Variants in PHF21B observed in about 807,000 individuals in gnomAD.
The protein encoded by PHF21B is PHD finger protein 21B, also known as PHD finger protein 4.
Under a neutral mutation model 62.2 loss-of-function variants are expected in PHF21B, and 22 were observed. The observed-to-expected ratio is 0.35, with a 90% CI of 0.25 to 0.51. PHF21B has a LOEUF of 0.51. Ranked by LOEUF, PHF21B falls within the 20% of genes least tolerant of loss-of-function variation. The pLI, the probability that PHF21B is intolerant of heterozygous loss-of-function variation, is 0.97. For missense variants in PHF21B, 701 were observed against 707.9 expected, an observed-to-expected ratio of 0.99 and a Z score of 0.11; for synonymous variants, 341 against 314.7, an observed-to-expected ratio of 1.08 and a Z score of -0.88.
intron 2 of PHF21B, among the ~76,000 whole-genome samples, chr22:44,962,078 T>C (rs2072435327): frequency 6.6e-6 from 1 of 152,118 alleles, no homozygotes; most frequent in African/African-American, 2.4e-5. Flanking sequence ...TACACACAAG[T>C]GCATGTGTCT....
intron 5 of PHF21B, among the ~76,000 whole-genome samples, chr22:44,900,730 G>A (rs1292576541): frequency 6.6e-6 from 1 of 150,980 alleles, no homozygotes; most frequent in Non-Finnish European, 1.5e-5. Flanking sequence ...GGAATTGAAT[G>A]TGGCTGTGGA....
intron 2 of PHF21B, among the ~76,000 whole-genome samples, chr22:44,973,773 T>C (rs1204562991): frequency 6.6e-6 from 1 of 151,962 alleles, no homozygotes; most frequent in Admixed American, 6.6e-5. Flanking sequence ...GGGGTCGCCA[T>C]GGGAGAGGAA....
intron 5 of PHF21B, among the ~76,000 whole-genome samples, chr22:44,896,866 A>G (rs2071065838): frequency 9.3e-6 from 1 of 107,548 alleles, no homozygotes; most frequent in Non-Finnish European, 1.9e-5. Context: ...ACAGGGTGGC[A>G]CTTAGTTTTA....
intron 2 of PHF21B, among the ~76,000 whole-genome samples, chr22:44,930,870 A>AG (rs1482517687): frequency 6.6e-6 from 1 of 152,226 alleles, no homozygotes; most frequent in Non-Finnish European, 1.5e-5. Flanking sequence ...TTCTCCTGCC[A>AG]GGAACAGCTG....
At chr22:44,964,771 C>T (rs1280080156) in intron 2 of PHF21B, among the ~76,000 whole-genome samples, 1 of 152,124 alleles carries the variant, frequency 6.6e-6, no homozygotes, top group African/African-American at 2.4e-5. Flanking sequence ...TTTCCATCCC[C>T]AGTCTCGGGC....
chr22:44,948,635 G>A (rs752715383), intron 2 of PHF21B, among the ~76,000 whole-genome samples: 1 of 151,568 alleles, frequency 6.6e-6, no homozygotes, highest in Non-Finnish European at 1.5e-5. Context: ...AGGTGGCAGT[G>A]AGCCGAGACT....
At chr22:44,888,745 C>T (rs1211773991) in intron 9 of PHF21B, among the ~76,000 whole-genome samples, 2 of 152,256 alleles carry the variant, frequency 1.3e-5, no homozygotes, top group East Asian at 3.8e-4. Flanking sequence ...GGAGGGGCAA[C>T]ACCCTCAGAG....
intron 2 of PHF21B, among the ~76,000 whole-genome samples, chr22:45,006,177 CCTCT>C: frequency 6.6e-6 from 1 of 152,306 alleles, no homozygotes; most frequent in South Asian, 2.1e-4. Flanking sequence ...CCCTCCCCTC[CCTCT>C]TTTATGAGCC....
rs541973274 is a variant in PHF21B at position 44,931,478 on chromosome 22, A to T, written c.121-10988T>A. On this transcript the variant is annotated intron_variant, in intron 2 of 12. Transcript: ENST00000313237. ...GCTCTTAATCAAAAAGTGCCAGACA[A>T]CACAAGTGGCTACCGTATGCTGACA... Among the ~76,000 whole-genome samples the T allele has an allele frequency of 2.6e-5, 4 of 152,260 alleles. No homozygotes were observed. The East Asian group carries it at 7.7e-4, about 29-fold the overall frequency.
chr22:44,887,977 TG>T lies in PHF21B; in HGVS notation c.1182del (p.Arg395GlyfsTer7). On this transcript the variant is annotated frameshift_variant, in exon 10 of 13. Transcript: ENST00000313237. LOFTEE classifies it high-confidence loss of function. Reference protein sequence around the residue: ...KTAPKGVWVCPRCQQKALKKD... With the variant: ...KTAPKGVWVCXRCQQKALKKD... ...GCCTCCTGTACCTTCTGCTGGCACC[TG>T]GGGCACACCCACACGCCCTTGGGCG... The T allele has an allele frequency of 6.5e-7, 1 of 1,541,374 alleles. No homozygotes were observed. The highest frequency in any genetic ancestry group is 2.0e-5 in the Admixed American group (1 of 50,468).
intron 10 of PHF21B, 34 bp downstream of exon 10, chr22:44,887,929 G>C: frequency 2.1e-6 from 3 of 1,431,020 alleles, no homozygotes; most frequent in Non-Finnish European, 2.8e-6. Context: ...CTCCATGCCA[G>C]TCTGGGGTGA....
Position 44,916,575 on chromosome 22 carries a change from C to A in PHF21B, c.269G>T (p.Arg90Leu). The A allele has an allele frequency of 1.2e-6, 2 of 1,606,676 alleles. No homozygotes were observed. Reference sequence around the variant, plus strand: ...GAATGTTGGGGGCTGCTTGGGTGGCCGGTCCCGGCCCGGGGCAACGGGGAG... The same window carrying A: ...GAATGTTGGGGGCTGCTTGGGTGGCAGGTCCCGGCCCGGGGCAACGGGGAG... ...DSLPVAPGRD[R>L]PPKQPPTFQK... The change falls in exon 4 of 13, where the codon CGG becomes CTG. Residue 90 changes from arginine (R) to leucine (L), a missense_variant. Arg to Leu is a moderately radical substitution (Grantham distance 102). Coordinates refer to ENST00000313237, the MANE Select transcript of PHF21B (RefSeq NM_138415.5).
intron 2 of PHF21B, among the ~76,000 whole-genome samples, chr22:44,958,598 A>ATTTTTTTTTTTTTT (rs59943293): frequency 1.3e-5 from 1 of 75,886 alleles, no homozygotes; most frequent in African/African-American, 5.6e-5. Context: ...CCTTCCTTTG[A>ATTTTTTTTTTTTTT]TTTTTTTTTT....
In PHF21B at chr22:44,883,321, C is replaced by T. The variant is rs751456931; in HGVS notation, c.1378-17G>A. 4 of 1,611,080 alleles carry T rather than the reference C, an allele frequency of 2.5e-6. No homozygotes were observed. The highest frequency in any genetic ancestry group is 3.4e-6 in the Non-Finnish European group (4 of 1,178,866). ...CAGGCATTTCTGTTGGGGAGAAGGTCAGGGGAAAGGGTCTCAGTATTCGGC... is the reference window on the plus strand; with the variant it reads ...CAGGCATTTCTGTTGGGGAGAAGGTTAGGGGAAAGGGTCTCAGTATTCGGC... On this transcript the variant is annotated splice_polypyrimidine_tract_variant and intron_variant, in intron 12 of 12. Transcript: ENST00000313237.
chr22:44,955,685 C>G (rs2072281785), intron 2 of PHF21B, among the ~76,000 whole-genome samples: 1 of 152,192 alleles, frequency 6.6e-6, no homozygotes, highest in African/African-American at 2.4e-5. Context: ...GACCCTCAGG[C>G]CTTAGATTTG....
chr22:44,914,100 G>T lies in PHF21B; in HGVS notation c.565-12C>A. 2 of 812,298 alleles carry T rather than the reference G, an allele frequency of 2.5e-6. No homozygotes were observed. The highest frequency in any genetic ancestry group is 3.6e-4 in the Middle Eastern group (1 of 2,798). 50.3% of individuals were successfully genotyped at this position (812,298 alleles called of 1,614,324 possible). On this transcript the variant is annotated splice_polypyrimidine_tract_variant and intron_variant, in intron 4 of 12. Transcript: ENST00000313237. Reference sequence around the variant, plus strand: ...AGGCGTGGAGGAGGCTGGAGAGCGAGGGTGAGGGGCACAGGGAGGAAGGGA... The same window carrying T: ...AGGCGTGGAGGAGGCTGGAGAGCGATGGTGAGGGGCACAGGGAGGAAGGGA...
intron 2 of PHF21B, among the ~76,000 whole-genome samples, chr22:44,921,509 G>A (rs911775912): frequency 6.6e-6 from 1 of 151,826 alleles, no homozygotes; most frequent in East Asian, 1.9e-4. Flanking sequence ...TGGAACTACA[G>A]GCGCTGCCAC....
chr22:44,958,598 A>ATTTTTTTTTTTTTTTTT (rs59943293), intron 2 of PHF21B, among the ~76,000 whole-genome samples: 3 of 75,886 alleles, frequency 4.0e-5, no homozygotes, highest in African/African-American at 5.6e-5. Flanking sequence ...CCTTCCTTTG[A>ATTTTTTTTTTTTTTTTT]TTTTTTTTTT....
intron 2 of PHF21B, among the ~76,000 whole-genome samples, chr22:44,965,611 G>A (rs2147432130): frequency 6.6e-6 from 1 of 152,284 alleles, no homozygotes; most frequent in Admixed American, 6.5e-5. Context: ...CCCGAGCTGA[G>A]ACGATTCCCC....
Sources: allele counts gnomAD v4.1 joint callset (sites outside exome capture counted in the v4.1 genomes callset), GRCh38; gene constraint gnomAD v4.1.1; transcripts MANE v1.5; gene names NCBI Gene and HGNC (gene_info 2026-07-23, HGNC 2026-07-21).